The following TTC23 variants were observed in gnomAD, a reference collection of about 807,000 sequenced individuals.
TTC23 encodes the protein tetratricopeptide repeat domain 23.
Under a neutral mutation model 55.1 loss-of-function variants are expected in TTC23, and 58 were observed. The observed-to-expected ratio is 1.05, with a 90% confidence interval of 0.85 to 1.31. TTC23 has a LOEUF of 1.31. Among genes scored for constraint, TTC23 ranks in the 50% most tolerant of loss-of-function variants. The pLI is 0.00. For synonymous variants in TTC23, 203 were observed against 199.9 expected, an observed-to-expected ratio of 1.02 and a Z score of -0.13; for missense variants, 516 against 534.4, an observed-to-expected ratio of 0.97 and a Z score of 0.34.
chr15:99,167,887 C>A (rs1025490103), intron 10 of TTC23, among the ~76,000 whole-genome samples: 2 of 152,114 alleles, frequency 1.3e-5, no homozygotes, highest in African/African-American at 4.8e-5. Flanking sequence ...CGCAAAGGAC[C>A]CCAGGGAGTT....
chr15:99,185,169 T>A (rs1462031642), intron 9 of TTC23, among the ~76,000 whole-genome samples: 2 of 152,232 alleles, frequency 1.3e-5, no homozygotes, highest in Non-Finnish European at 2.9e-5. Context: ...GCATTCTACA[T>A]CCTTCCTAAT....
rs761365061 is a variant in TTC23, at chr15:99,137,648, C to T, written c.*362G>A. On this transcript the variant is annotated 3_prime_UTR_variant, in exon 14 of 14. Transcript: ENST00000394132. ...TTCACTGTCCAGATCTAACTCCACA[C>T]CTATGCAAGGAGCTGTGTGTACAAG... is the stretch of plus-strand genomic sequence containing the variant. The T allele has an allele frequency of 1.4e-5, 3 of 218,562 alleles. No homozygotes were observed. The highest frequency in any genetic ancestry group is 9.6e-5 in the South Asian group (1 of 10,370). 13.5% of individuals were successfully genotyped at this position (218,562 alleles called of 1,614,324 possible).
At chr15:99,140,322 A>C (rs2068079865) in intron 12 of TTC23, 1 of 152,248 alleles carries the variant, frequency 6.6e-6, no homozygotes, top group South Asian at 2.1e-4. Flanking sequence ...TGAAGGACTA[A>C]GTGTGAAATG....
intron 12 of TTC23, among the ~76,000 whole-genome samples, chr15:99,144,192 AAGCT>A (rs1452422761): frequency 1.3e-5 from 2 of 152,156 alleles, no homozygotes; most frequent in African/African-American, 4.8e-5. Flanking sequence ...TGAGGTTTGA[AAGCT>A]AGGAGTCTAA....
intron 12 of TTC23, among the ~76,000 whole-genome samples, chr15:99,150,570 T>TG (rs2069578938): frequency 3.3e-5 from 5 of 152,236 alleles, no homozygotes; most frequent in African/African-American, 4.8e-5. Context: ...AGCACATTTT[T>TG]TGGGGCAATA....
chr15:99,164,628 T>A (rs772677829), intron 10 of TTC23, among the ~76,000 whole-genome samples: 3 of 152,264 alleles, frequency 2.0e-5, no homozygotes, highest in Non-Finnish European at 4.4e-5. Flanking sequence ...TATTTGGTTA[T>A]TCCCTTCTAT....
At chr15:99,209,912 T>C (rs1473867047) in intron 8 of TTC23, among the ~76,000 whole-genome samples, 1 of 152,056 alleles carries the variant, frequency 6.6e-6, no homozygotes, top group African/African-American at 2.4e-5. Context: ...TTTTTTGTAT[T>C]TGTAATTATG....
intron 9 of TTC23, among the ~76,000 whole-genome samples, chr15:99,192,247 G>A (rs1211103019): frequency 1.3e-5 from 2 of 152,210 alleles, no homozygotes. Context: ...CAAGCCAGCT[G>A]CAGGTAATGA....
chr15:99,218,796 A>G, intron 7 of TTC23, 83 bp from the exon 8 acceptor site: 2 of 1,602,198 alleles, frequency 1.2e-6, no homozygotes, highest in Non-Finnish European at 1.7e-6. Flanking sequence ...CATACTTCCA[A>G]TCACACTTCC....
chr15:99,150,787 T>C (rs1260753595), intron 12 of TTC23, among the ~76,000 whole-genome samples: 2 of 152,204 alleles, frequency 1.3e-5, no homozygotes, highest in Non-Finnish European at 2.9e-5. Context: ...GACCCTTGCT[T>C]AAAGGATCAG....
intron 11 of TTC23, chr15:99,157,238 G>GTC (rs1477995914): frequency 7.7e-6 from 1 of 129,810 alleles, no homozygotes; most frequent in African/African-American, 2.9e-5. Context: ...TTTAGACAGA[G>GTC]TCTCTCTTTG....
chr15:99,218,281 G>A (rs2077629108), intron 8 of TTC23, among the ~76,000 whole-genome samples: 2 of 152,186 alleles, frequency 1.3e-5, no homozygotes. Flanking sequence ...AAAAAAGGAA[G>A]GGAGGGAGGA....
At chr15:99,187,702 T>C (rs928496495) in intron 9 of TTC23, among the ~76,000 whole-genome samples, 3 of 151,948 alleles carry the variant, frequency 2.0e-5, no homozygotes, top group African/African-American at 7.2e-5. Context: ...ATTTCTCCCA[T>C]GAAGATATAT....
Position 99,146,544 on chromosome 15 carries a change from C to T in TTC23, c.1144-7145G>A, listed in dbSNP as rs1022490738. Among the ~76,000 whole-genome samples, 6 of 152,214 alleles carry T rather than the reference C, an allele frequency of 3.9e-5. No homozygotes were observed. In the East Asian group the frequency reaches 5.8e-4, roughly 15 times the overall value. ...TGTTTCCAGCGAAGCTCCGAAAAAC[C>T]GCTAGAGAGCCTCAGGCCAGGATGG... On this transcript the variant is annotated intron_variant, in intron 12 of 13. Transcript: ENST00000394132.
chr15:99,181,941 TG>T (rs1241515735), intron 9 of TTC23, among the ~76,000 whole-genome samples: 2 of 152,124 alleles, frequency 1.3e-5, no homozygotes, highest in African/African-American at 4.8e-5. Context: ...TCCAAAGAGC[TG>T]GGGAGAAAAA....
chr15:99,245,717 C>A (rs1460081179), intron 1 of TTC23, among the ~76,000 whole-genome samples: 1 of 151,784 alleles, frequency 6.6e-6, no homozygotes. Context: ...GATCTCTACA[C>A]CTCACACCAT....
chr15:99,177,457 G>C (rs1321788244), intron 9 of TTC23, among the ~76,000 whole-genome samples: 4 of 152,138 alleles, frequency 2.6e-5, no homozygotes, highest in African/African-American at 7.2e-5. Flanking sequence ...TGTGTATATA[G>C]ACAATAGCAG....
intron 12 of TTC23, chr15:99,155,429 G>C (rs1007523759): frequency 6.6e-6 from 1 of 152,148 alleles, no homozygotes; most frequent in African/African-American, 2.4e-5. Flanking sequence ...TATGGAGTTA[G>C]ACAAATTGAT....
intron 10 of TTC23, among the ~76,000 whole-genome samples, chr15:99,167,876 C>A (rs1158650426): frequency 6.6e-6 from 1 of 152,184 alleles, no homozygotes; most frequent in Non-Finnish European, 1.5e-5. Context: ...TCTGTACCAA[C>A]CGCAAAGGAC....
Sources: gnomAD v4.1 joint callset for allele counts (sites outside exome capture counted in the v4.1 genomes callset) on GRCh38, gnomAD v4.1.1 for gene constraint, MANE v1.5 for transcripts, NCBI Gene and HGNC (gene_info 2026-07-23, HGNC 2026-07-21) for gene names.